C17orf114: variants seen among roughly 807,000 people sequenced by gnomAD.
C17orf114 encodes chromosome 17 open reading frame 114.
chr17:4,803,488 G>A (rs763043806), upstream of C17orf114, among the ~76,000 whole-genome samples: 4 of 136,658 alleles, frequency 2.9e-5, no homozygotes, highest in African/African-American at 8.1e-5. Flanking sequence ...GCAGTGGCGC[G>A]GTCTTGGCTC....
upstream of C17orf114, chr17:4,806,647 A>G (rs1597316121): frequency 6.6e-6 from 1 of 152,286 alleles, no homozygotes; most frequent in East Asian, 1.9e-4. Flanking sequence ...GTTTGTAGCC[A>G]CCACCCCTCA....
upstream of C17orf114, among the ~76,000 whole-genome samples, chr17:4,802,601 A>C (rs1197376424): frequency 6.6e-6 from 1 of 152,202 alleles, no homozygotes; most frequent in Non-Finnish European, 1.5e-5. Context: ...GCAGGGACAG[A>C]CGCAGAGGTG....
chr17:4,801,675 G>A (rs539841551), intron 1 of C17orf114, among the ~76,000 whole-genome samples: 19 of 152,184 alleles, frequency 1.2e-4, no homozygotes, highest in African/African-American at 2.4e-4. Flanking sequence ...AGGATCCTCC[G>A]ACTCAGAAGG....
upstream of C17orf114, among the ~76,000 whole-genome samples, chr17:4,805,569 A>C (rs1249767900): frequency 1.3e-5 from 2 of 151,630 alleles, no homozygotes; most frequent in African/African-American, 4.9e-5. Flanking sequence ...TACTAAAAAT[A>C]CAAAAATTAG....
At chr17:4,804,951 G>C (rs866117048), upstream of C17orf114, among the ~76,000 whole-genome samples, 2 of 151,948 alleles carry the variant, frequency 1.3e-5, no homozygotes, top group East Asian at 1.9e-4. Flanking sequence ...ACATCTTAAC[G>C]TACAGTTCCA....
chr17:4,801,200 C>G (rs1245047044), exon 2 of C17orf114: 1 of 398,000 alleles, frequency 2.5e-6, no homozygotes, highest in African/African-American at 2.1e-5. Context: ...TTAGAAAGGA[C>G]TTGGGGAGGT....
chr17:4,805,256 C>G (rs1202843017), upstream of C17orf114, among the ~76,000 whole-genome samples: 2 of 151,584 alleles, frequency 1.3e-5, no homozygotes, highest in African/African-American at 4.9e-5. Flanking sequence ...GGAGGAACCC[C>G]GTCTCTACTA....
intron 1 of C17orf114, 93 bp from the exon 2 acceptor site, chr17:4,801,548 G>C (rs1159974261): frequency 2.8e-6 from 1 of 360,194 alleles, no homozygotes; most frequent in African/African-American, 2.6e-5. Context: ...AGCAAGGGAA[G>C]ACACCTGGGG....
chr17:4,804,762 T>C (rs1175145444), upstream of C17orf114, among the ~76,000 whole-genome samples: 1 of 151,410 alleles, frequency 6.6e-6, no homozygotes, highest in East Asian at 2.0e-4. Context: ...ATTTTTTGTA[T>C]TTTTAGTAGA....
upstream of C17orf114, among the ~76,000 whole-genome samples, chr17:4,806,215 C>A (rs1905782083): frequency 6.6e-6 from 1 of 152,144 alleles, no homozygotes; most frequent in African/African-American, 2.4e-5. Flanking sequence ...CTGGAACCAC[C>A]ATACACTGAT....
upstream of C17orf114, among the ~76,000 whole-genome samples, chr17:4,805,324 G>C (rs901996021): frequency 6.6e-6 from 1 of 151,878 alleles, no homozygotes; most frequent in Non-Finnish European, 1.5e-5. Context: ...AGCTACTCAG[G>C]AGGCTGAGGC....
At chr17:4,803,904 T>C (rs1905576720), upstream of C17orf114, among the ~76,000 whole-genome samples, 1 of 151,458 alleles carries the variant, frequency 6.6e-6, no homozygotes, top group Non-Finnish European at 1.5e-5. Context: ...GTATTTTTAG[T>C]AGAGATGGGC....
At chr17:4,806,986 G>C (rs1433969848), upstream of C17orf114, 1 of 150,764 alleles carries the variant, frequency 6.6e-6, no homozygotes, top group East Asian at 1.9e-4. Context: ...GCGGCCCCCT[G>C]CCCGGGGCTC....
At chr17:4,805,434 T>A (rs1905668419), upstream of C17orf114, among the ~76,000 whole-genome samples, 1 of 145,350 alleles carries the variant, frequency 6.9e-6, no homozygotes, top group African/African-American at 2.6e-5. Context: ...AAAAAAAAAA[T>A]TAGCAAAAGG....
upstream of C17orf114, chr17:4,802,396 C>T (rs549988373): frequency 1.1e-4 from 42 of 398,578 alleles, no homozygotes; most frequent in Middle Eastern, 6.3e-4. Flanking sequence ...CAAGCCCCCC[C>T]ACCATGGGCA....
upstream of C17orf114, chr17:4,807,005 G>GCACC (rs1905900159): frequency 6.7e-6 from 1 of 149,244 alleles, no homozygotes; most frequent in Non-Finnish European, 1.5e-5. This position sits in a 1 kb window ranked among gnomAD's most constrained non-coding sequence, Gnocchi z 5.4. Context: ...TCTCGGTGGC[G>GCACC]CACTGGGCGG....
chr17:4,803,821 A>T (rs1475680759), upstream of C17orf114, among the ~76,000 whole-genome samples: 2 of 151,842 alleles, frequency 1.3e-5, no homozygotes, highest in Non-Finnish European at 1.5e-5. Flanking sequence ...TCCAGGGCTC[A>T]AGCGAGTCTC....
upstream of C17orf114, among the ~76,000 whole-genome samples, chr17:4,805,986 CATAAAA>C (rs756337369): frequency 3.6e-4 from 55 of 152,116 alleles, no homozygotes; most frequent in Middle Eastern, 3.4e-3. Flanking sequence ...GACTCCGTCT[CATAAAA>C]ATAAAAATAA....
At chr17:4,803,230 T>C (rs1487824020), upstream of C17orf114, among the ~76,000 whole-genome samples, 2 of 151,514 alleles carry the variant, frequency 1.3e-5, no homozygotes, top group Admixed American at 6.6e-5. Flanking sequence ...CAAAGATCTT[T>C]TGAGGTAAGT....
Sources: allele counts gnomAD v4.1 joint callset (sites outside exome capture counted in the v4.1 genomes callset), GRCh38; gene constraint gnomAD v4.1.1; non-coding constraint Gnocchi (gnomAD v3.1); transcripts MANE v1.5; gene names NCBI Gene and HGNC (gene_info 2026-07-23, HGNC 2026-07-21).